Variants in TBCD observed in about 807,000 individuals in gnomAD.
The protein encoded by TBCD is tubulin folding cofactor D.
Under a neutral mutation model 169.3 loss-of-function variants are expected in TBCD, and 105 were observed. The ratio of observed to expected loss-of-function variants is 0.62; its 90% CI spans 0.53 to 0.73. TBCD has a LOEUF of 0.73. Among genes scored for constraint, TBCD ranks in the 30% least tolerant of loss-of-function variants. TBCD has a pLI of 0.00. For synonymous variants in TBCD, 700 were observed against 643.9 expected (o/e 1.09, Z -1.32); for missense variants, 1,444 against 1,600.1 (o/e 0.90, Z 1.66).
At chr17:82,800,421 G>A (rs2050423631) in intron 8 of TBCD, among the ~76,000 whole-genome samples, 1 of 152,122 alleles carries the variant, frequency 6.6e-6, no homozygotes, top group Non-Finnish European at 1.5e-5. Flanking sequence ...CGTGGCCTGT[G>A]TGTTCTCCCC....
At chr17:82,838,552 G>A in intron 13 of TBCD, 1 of 664,754 alleles carries the variant, frequency 1.5e-6, no homozygotes, top group Non-Finnish European at 1.9e-6. Flanking sequence ...ATATTGTGAT[G>A]TGGCGTTGTT....
chr17:82,850,415 G>A (rs1204098901), intron 13 of TBCD, among the ~76,000 whole-genome samples: 1 of 138,702 alleles, frequency 7.2e-6, no homozygotes, highest in African/African-American at 2.7e-5. Context: ...GTTGTTGGCT[G>A]TGCTGTTGGC....
At chr17:82,760,604 GTA>G (rs1555673309) in intron 2 of TBCD, among the ~76,000 whole-genome samples, 3 of 152,194 alleles carry the variant, frequency 2.0e-5, no homozygotes, top group South Asian at 2.1e-4. Flanking sequence ...AATGGAATAT[GTA>G]TGTGTAAACA....
chr17:82,803,141 C>T (rs969539564), intron 9 of TBCD, among the ~76,000 whole-genome samples: 4 of 152,160 alleles, frequency 2.6e-5, no homozygotes, highest in African/African-American at 7.2e-5. Flanking sequence ...TACGCTCTGA[C>T]GGGCTGTTAG....
intron 7 of TBCD, among the ~76,000 whole-genome samples, chr17:82,788,187 G>A (rs1462360819): frequency 2.0e-5 from 3 of 152,144 alleles, no homozygotes; most frequent in Non-Finnish European, 4.4e-5. Context: ...GCAGTGAGCC[G>A]ACATGGCGCC....
intron 14 of TBCD, among the ~76,000 whole-genome samples, chr17:82,873,743 G>T (rs1461469333): frequency 6.6e-6 from 1 of 152,192 alleles, no homozygotes; most frequent in Admixed American, 6.5e-5. Context: ...GGGGCCGGCC[G>T]GTCGGTAGGT....
rs1214698087 is a variant in TBCD, at chr17:82,920,767, C to T, written c.2101+149C>T. The T allele has an allele frequency of 1.3e-5, 10 of 783,716 alleles. No homozygotes were observed. In the East Asian group the frequency reaches 2.1e-4, roughly 17 times the overall value. 48.5% of individuals were successfully genotyped at this position (783,716 alleles called of 1,614,324 possible). A position where few individuals can be genotyped will look rare whatever the true frequency, so the allele number is the denominator to read the frequency against. ...CGGATACGTTGCCTTGAAGTTGTTACAAGAACCTGCTTAAATAATGGGTAC... is the reference window on the plus strand; with the variant it reads ...CGGATACGTTGCCTTGAAGTTGTTATAAGAACCTGCTTAAATAATGGGTAC... On this transcript the variant is annotated intron_variant, in intron 24 of 38. Transcript: ENST00000355528. The surrounding 1 kb of genome is among the most constrained non-coding windows in gnomAD (Gnocchi z 4.1).
chr17:82,941,879 G>A, intron 38 of TBCD: 1 of 257,704 alleles, frequency 3.9e-6, no homozygotes. Flanking sequence ...CTGCCCCTGT[G>A]CACCTCACCA....
At chr17:82,785,318 G>C (rs1555681574) in intron 7 of TBCD, among the ~76,000 whole-genome samples, 1 of 75,664 alleles carries the variant, frequency 1.3e-5, no homozygotes, top group Non-Finnish European at 2.7e-5. Flanking sequence ...GCGGGAGGGG[G>C]GTCCATGCTG....
Position 82,756,181 on chromosome 17 carries a change from C to G in TBCD, c.201C>G (p.Tyr67Ter), listed in dbSNP as rs1414112759. ...TGTTTTTAGTAATAATGGACAAATA[C>G]CAGGAGCAGCCTCATCTGTTGGACC... ...LERFRVIMDK[Y>*]QEQPHLLDPH... The change falls in exon 2 of 39, where the codon TAC becomes TAG. Residue 67 changes from tyrosine to a stop codon, truncating the protein, a stop_gained. Coordinates refer to ENST00000355528, the MANE Select transcript of TBCD (RefSeq NM_005993.5). LOFTEE classifies it high-confidence loss of function. 1 of 1,609,838 alleles carries G rather than the reference C, an allele frequency of 6.2e-7. No homozygotes were observed. The highest frequency in any genetic ancestry group is 8.5e-7 in the Non-Finnish European group (1 of 1,177,820).
chr17:82,923,465 C>T lies in TBCD; in HGVS notation c.2179-187C>T, dbSNP rs942330757. ...AAGGGTGACCTGCTGTGTCCTTGGC[C>T]GGGTGCTTCTCCAACCTCAGGGCGA... On this transcript the variant is annotated intron_variant, in intron 25 of 38. Coordinates refer to ENST00000355528, the MANE Select transcript of TBCD (RefSeq NM_005993.5). The surrounding 1 kb of genome is among the most constrained non-coding windows in gnomAD (Gnocchi z 4.6). Among the ~76,000 whole-genome samples the T allele has an allele frequency of 4.0e-5, 6 of 151,696 alleles. No individual in the cohort carries two copies. Among genetic ancestry groups the T allele is most frequent in the Non-Finnish European group, 7.4e-5 (5 of 67,896 alleles).
chr17:82,861,811 T>C (rs1375033628), intron 13 of TBCD, among the ~76,000 whole-genome samples: 2 of 152,224 alleles, frequency 1.3e-5, no homozygotes, highest in African/African-American at 4.8e-5. Flanking sequence ...TTCTAGTAAA[T>C]GGTTCTGTTA....
chr17:82,777,583 CAG>C (rs369453919), intron 6 of TBCD, among the ~76,000 whole-genome samples: 16 of 143,872 alleles, frequency 1.1e-4, no homozygotes, highest in Admixed American at 1.4e-4. Flanking sequence ...GCAGCCGAGG[CAG>C]AGAGAGAGAG....
chr17:82,879,102 T>C (rs1034473781), intron 14 of TBCD, among the ~76,000 whole-genome samples: 5 of 150,594 alleles, frequency 3.3e-5, no homozygotes, highest in African/African-American at 1.2e-4. Flanking sequence ...GCCTTTTTTC[T>C]TTCCTTCTGG....
intron 14 of TBCD, among the ~76,000 whole-genome samples, chr17:82,873,015 C>CCAT (rs1484415179): frequency 5.3e-5 from 8 of 152,102 alleles, no homozygotes; most frequent in African/African-American, 1.7e-4. Context: ...TGAGCCAGGC[C>CCAT]CGTCTGGGCA....
rs74002549 is a variant in TBCD at position 82,838,820 on chromosome 17, G to C, written c.1318+23886G>C. ...CTCTAGTTTCGGCAGGAGATCCCGA[G>C]TTACAGACCTGAGCTCGTAAACAAA... On this transcript the variant is annotated intron_variant, in intron 13 of 38. Transcript: ENST00000355528. 1.3e-3 allele frequency: 1,277 copies of C among 985,430 alleles called. 10 individuals are homozygous for C. The African/African-American group carries it at 0.021, about 16-fold the overall frequency. 61.0% of individuals were successfully genotyped at this position (985,430 alleles called of 1,614,324 possible). A position where few individuals can be genotyped will look rare whatever the true frequency, so the allele number is the denominator to read the frequency against.
chr17:82,941,262 C>G (rs1256103951), intron 37 of TBCD, 137 bp from the exon 38 acceptor site: 1 of 691,348 alleles, frequency 1.4e-6, no homozygotes, highest in Non-Finnish European at 2.4e-6. Context: ...CTTTTCTGCC[C>G]TCAGCCTGGC....
rs898825987 is a variant in TBCD, at chr17:82,860,760, C to G, written c.1319-9464C>G. ...CCACCCCAGCGCCCTTGTCTTGTTT[C>G]ATCGCCCGTGTCCGGGCTGTGTAAG... is the stretch of plus-strand genomic sequence containing the variant. On this transcript the variant is annotated intron_variant, in intron 13 of 38. Transcript: ENST00000355528. 7.2e-5 allele frequency among the ~76,000 whole-genome samples: 11 copies of G among 152,326 alleles called. No individual in the cohort carries two copies. In the South Asian group the frequency reaches 2.3e-3, roughly 32 times the overall value.
intron 13 of TBCD, 141 bp downstream of exon 13, chr17:82,815,075 C>T (rs1305127523): frequency 1.1e-5 from 15 of 1,381,468 alleles, no homozygotes; most frequent in Non-Finnish European, 1.5e-5. Context: ...CCGTGGCAGG[C>T]TGCAGCCCTT....
Sources: allele counts gnomAD v4.1 joint callset (sites outside exome capture counted in the v4.1 genomes callset), GRCh38; gene constraint gnomAD v4.1.1; non-coding constraint Gnocchi (gnomAD v3.1); transcripts MANE v1.5; gene names NCBI Gene and HGNC (gene_info 2026-07-23, HGNC 2026-07-21).